Variants in RANBP2 observed in about 807,000 individuals in gnomAD.
The protein encoded by RANBP2 is E3 SUMO-protein ligase RanBP2.
In RANBP2, 57 loss-of-function variants were observed where a neutral mutation model predicts 303.6. The ratio of observed to expected loss-of-function variants is 0.19; its 90% CI spans 0.15 to 0.23. RANBP2 has a LOEUF of 0.23. RANBP2 is among the 10% of genes least tolerant of loss of function. RANBP2 has a pLI of 1.00. For missense variants in RANBP2, 3,138 were observed against 3,780.8 expected, an observed-to-expected ratio of 0.83 and a Z score of 4.46; for synonymous variants, 1,167 against 1,301.5, an observed-to-expected ratio of 0.90 and a Z score of 2.23.
the RANBP2 span, chr2:108,812,849 A>T: frequency 1.4e-5 from 22 of 1,613,356 alleles, no homozygotes; most frequent in Middle Eastern, 1.6e-4. Context: ...CAATACAGAG[A>T]TTGAAAGGAA....
chr2:109,565,906 G>GA, the RANBP2 span: 1 of 1,448,294 alleles, frequency 6.9e-7, no homozygotes, highest in East Asian at 2.3e-5. Flanking sequence ...TGTGATAACT[G>GA]ACTAGATAAA....
Position 108,766,047 on chromosome 2 carries a change from G to A in RANBP2, c.5508G>A (p.Gln1836=). The stretch of plus-strand genomic sequence containing the variant: ...AGTTGCATGACTCTTCTGGAAGTCA[G>A]GTGGGAACAGGATTTAAAAGTAATT... ...EMKLHDSSGS[Q]VGTGFKSNFS... is the part of the protein sequence containing the mutation. The change falls in exon 20 of 29, where the codon CAG becomes CAA. Residue 1836 remains glutamine, a synonymous_variant. Coordinates refer to ENST00000283195, the MANE Select transcript of RANBP2 (RefSeq NM_006267.5). 6.2e-7 allele frequency: 1 copy of A among 1,614,142 alleles called. No individual in the cohort carries two copies. Among genetic ancestry groups the A allele is most frequent in the Non-Finnish European group, 8.5e-7 (1 of 1,180,006 alleles).
At chr2:109,760,765 C>T in the RANBP2 span, among the ~76,000 whole-genome samples, 1 of 143,176 alleles carries the variant, frequency 7.0e-6, no homozygotes, top group Non-Finnish European at 1.5e-5. Flanking sequence ...GACCTCGAGT[C>T]ACTGTGGTAA....
the RANBP2 span, among the ~76,000 whole-genome samples, chr2:109,012,393 C>T: frequency 6.6e-6 from 1 of 152,160 alleles, no homozygotes; most frequent in Non-Finnish European, 1.5e-5. Flanking sequence ...TACCTGGCAT[C>T]CTTCGGTCTT....
chr2:109,387,291 C>A, the RANBP2 span, among the ~76,000 whole-genome samples: 1 of 152,192 alleles, frequency 6.6e-6, no homozygotes, highest in South Asian at 2.1e-4. Context: ...CTTTTCTCAG[C>A]GCCAGGGCCG....
At chr2:108,880,862 C>T in the RANBP2 span, among the ~76,000 whole-genome samples, 2 of 152,194 alleles carry the variant, frequency 1.3e-5, no homozygotes, top group East Asian at 3.8e-4. Flanking sequence ...GATAACATAA[C>T]ATCCATTCTG....
At chr2:108,788,802 T>C (rs1679403816), downstream of RANBP2, 2 of 1,608,694 alleles carry the variant, frequency 1.2e-6, no homozygotes, top group South Asian at 2.2e-5. Flanking sequence ...GCCAGATATT[T>C]TGTGATATAT....
chr2:108,816,098 G>T, the RANBP2 span: 3 of 1,600,342 alleles, frequency 1.9e-6, no homozygotes, highest in Non-Finnish European at 2.6e-6. Flanking sequence ...CAGGAGAAGT[G>T]TGTAAAGGTT....
chr2:108,760,664 G>C (rs568890175), intron 18 of RANBP2, among the ~76,000 whole-genome samples: 52 of 152,160 alleles, frequency 3.4e-4, no homozygotes, highest in Middle Eastern at 3.4e-3. Flanking sequence ...ACTAGTCATG[G>C]TCAACAATTC....
the RANBP2 span, among the ~76,000 whole-genome samples, chr2:109,039,213 C>T: frequency 1.3e-5 from 2 of 152,212 alleles, no homozygotes; most frequent in Non-Finnish European, 2.9e-5. Context: ...CCCTGGGTCT[C>T]CAGCCTGCTG....
the RANBP2 span, among the ~76,000 whole-genome samples, chr2:109,274,755 T>A: frequency 6.6e-6 from 1 of 152,182 alleles, no homozygotes; most frequent in Non-Finnish European, 1.5e-5. Context: ...ATTAAATTGT[T>A]CACTTTAAAA....
chr2:109,697,285 T>C, the RANBP2 span, among the ~76,000 whole-genome samples: 2 of 152,142 alleles, frequency 1.3e-5, no homozygotes, highest in East Asian at 3.9e-4. Context: ...AGGTTGGGAG[T>C]TCGAGACCAG....
intron 7 of RANBP2, among the ~76,000 whole-genome samples, chr2:108,741,487 C>T (rs1226724829): frequency 5.1e-5 from 7 of 136,772 alleles, no homozygotes; most frequent in Admixed American, 7.5e-5. Context: ...CAAGCCACTG[C>T]GCCTGGCCTT....
the RANBP2 span, among the ~76,000 whole-genome samples, chr2:108,824,013 T>C: frequency 6.6e-6 from 1 of 152,102 alleles, no homozygotes; most frequent in South Asian, 2.1e-4. Flanking sequence ...TACACCTGAA[T>C]AGAGCACTTA....
chr2:109,614,691 G>A, the RANBP2 span: 2 of 1,488,064 alleles, frequency 1.3e-6, no homozygotes, highest in East Asian at 2.9e-5. Flanking sequence ...CACTGTGCGC[G>A]TCGATCCCGC....
the RANBP2 span, chr2:109,490,934 G>T: frequency 8.0e-6 from 12 of 1,493,434 alleles, no homozygotes; most frequent in Non-Finnish European, 1.1e-5. Context: ...TGCCCAGAGA[G>T]AGGTAAGTGC....
the RANBP2 span, among the ~76,000 whole-genome samples, chr2:109,537,168 T>C: frequency 6.6e-6 from 1 of 152,218 alleles, no homozygotes; most frequent in East Asian, 1.9e-4. Context: ...AGTATGATGC[T>C]TGCTATTGGG....
At chr2:109,614,127 T>A in the RANBP2 span, 1 of 1,205,256 alleles carries the variant, frequency 8.3e-7, no homozygotes, top group Non-Finnish European at 1.0e-6. Context: ...GAAGGAGAGC[T>A]GGGACTCCAG....
chr2:109,202,168 G>A, the RANBP2 span, among the ~76,000 whole-genome samples: 2 of 152,150 alleles, frequency 1.3e-5, no homozygotes, highest in African/African-American at 2.4e-5. Context: ...AGATGAACAC[G>A]GGGAAGAAAA....
Sources: gnomAD v4.1 joint callset for allele counts (sites outside exome capture counted in the v4.1 genomes callset) on GRCh38, gnomAD v4.1.1 for gene constraint, MANE v1.5 for transcripts, NCBI Gene and HGNC (gene_info 2026-07-23, HGNC 2026-07-21) for gene names.